Variants in SETBP1 observed in about 807,000 individuals in gnomAD.
SETBP1 encodes the protein SET binding protein 1.
A neutral mutation model predicts 101.0 loss-of-function variants in SETBP1; 9 were observed. That is an observed-to-expected ratio of 0.09 (90% CI 0.05 to 0.16). The LOEUF is 0.16. Ranked by LOEUF, SETBP1 falls within the 10% of genes least tolerant of loss-of-function variation. The probability of loss-of-function intolerance (pLI) is 1.00; values close to 1 mark genes in which losing one functional copy is unlikely to be tolerated. For missense variants in SETBP1, 1,858 were observed against 2,033.8 expected (o/e 0.91, Z 1.66); for synonymous variants, 818 against 788.5 (o/e 1.04, Z -0.63).
At chr18:45,002,105 C>A (rs564360945) in intron 4 of SETBP1, among the ~76,000 whole-genome samples, 1 of 152,280 alleles carries the variant, frequency 6.6e-6, no homozygotes, top group East Asian at 1.9e-4. Flanking sequence ...AAAGCCTTCT[C>A]CCCCACAGTT....
At chr18:44,760,248 C>A (rs996541234) in intron 2 of SETBP1, among the ~76,000 whole-genome samples, 1 of 152,200 alleles carries the variant, frequency 6.6e-6, no homozygotes, top group Non-Finnish European at 1.5e-5. Context: ...TAGAGGCCTC[C>A]TCTCATCAGG....
chr18:44,885,636 G>A (rs191408765), intron 3 of SETBP1, among the ~76,000 whole-genome samples: 24 of 151,904 alleles, frequency 1.6e-4, no homozygotes, highest in African/African-American at 5.5e-4. Flanking sequence ...TGGCGAAATC[G>A]AGGAGTTAAA....
chr18:44,797,033 G>C (rs2071494168), intron 2 of SETBP1, among the ~76,000 whole-genome samples: 1 of 152,206 alleles, frequency 6.6e-6, no homozygotes, highest in Non-Finnish European at 1.5e-5. Context: ...TGATCTGCCA[G>C]TGATGTATTA....
At chr18:44,873,158 C>A (rs944545834) in intron 3 of SETBP1, among the ~76,000 whole-genome samples, 8 of 152,186 alleles carry the variant, frequency 5.3e-5, no homozygotes, top group African/African-American at 1.9e-4. Flanking sequence ...CACTTAGTTG[C>A]CATTTCATTC....
rs192112473 is a variant in SETBP1 at position 45,025,959 on chromosome 18, C to T, written c.4001-12526C>T. Among the ~76,000 whole-genome samples, 17 of 152,268 alleles carry T rather than the reference C, an allele frequency of 1.1e-4. No individual in the cohort carries two copies. In the East Asian group the frequency reaches 3.3e-3, roughly 29 times the overall value. ...CATGCACTAAGTTCCTGATATCAAG[C>T]TCTTTTTTCAATGTGGCTTCTAAAT... On this transcript the variant is annotated intron_variant, in intron 4 of 5. Coordinates refer to ENST00000649279, the MANE Select transcript of SETBP1 (RefSeq NM_015559.3).
At chr18:44,814,780 G>A (rs2071941323) in intron 2 of SETBP1, among the ~76,000 whole-genome samples, 1 of 152,250 alleles carries the variant, frequency 6.6e-6, no homozygotes, top group African/African-American at 2.4e-5. Context: ...CAGAATGTCA[G>A]AATCTGAACA....
chr18:44,747,004 C>T (rs924085228), intron 2 of SETBP1, among the ~76,000 whole-genome samples: 2 of 152,180 alleles, frequency 1.3e-5, no homozygotes, highest in African/African-American at 4.8e-5. Flanking sequence ...GTCTGATGGC[C>T]AGAGATAGAC....
chr18:44,810,416 A>C (rs1411665262), intron 2 of SETBP1, among the ~76,000 whole-genome samples: 4 of 152,200 alleles, frequency 2.6e-5, no homozygotes, highest in Non-Finnish European at 5.9e-5. Flanking sequence ...ATACAGATGG[A>C]GGGTTGGTAA....
intron 2 of SETBP1, among the ~76,000 whole-genome samples, chr18:44,775,054 C>T (rs1243489012): frequency 6.6e-6 from 1 of 152,062 alleles, no homozygotes; most frequent in Non-Finnish European, 1.5e-5. Context: ...TATGAAAATG[C>T]TGATACCTTC....
intron 5 of SETBP1, among the ~76,000 whole-genome samples, chr18:45,060,602 A>G (rs987566510): frequency 6.6e-6 from 1 of 152,162 alleles, no homozygotes; most frequent in Admixed American, 6.5e-5. Flanking sequence ...AGAGTTGGTT[A>G]TGTCATTTTT....
intron 2 of SETBP1, among the ~76,000 whole-genome samples, chr18:44,742,968 T>C (rs1000703198): frequency 1.7e-5 from 2 of 118,734 alleles, no homozygotes; most frequent in African/African-American, 5.7e-5. Context: ...TCTCTCTCTC[T>C]CTCCCCCCCT....
intron 2 of SETBP1, among the ~76,000 whole-genome samples, chr18:44,782,044 C>T (rs2071142014): frequency 6.6e-6 from 1 of 152,174 alleles, no homozygotes; most frequent in Non-Finnish European, 1.5e-5. Context: ...TGCATTATTC[C>T]CTTCTGGTCT....
At chr18:45,054,944 C>G (rs1003468348) in intron 5 of SETBP1, among the ~76,000 whole-genome samples, 1 of 152,148 alleles carries the variant, frequency 6.6e-6, no homozygotes, top group African/African-American at 2.4e-5. Context: ...ATAGGGCACC[C>G]CTCACTGCCA....
intron 2 of SETBP1, among the ~76,000 whole-genome samples, chr18:44,735,488 T>A (rs2069944587): frequency 6.6e-6 from 1 of 152,180 alleles, no homozygotes; most frequent in African/African-American, 2.4e-5. Flanking sequence ...CATTGCACAA[T>A]ACATTTTAGC....
intron 3 of SETBP1, among the ~76,000 whole-genome samples, chr18:44,878,301 T>C (rs2069454849): frequency 6.6e-6 from 1 of 151,860 alleles, no homozygotes; most frequent in African/African-American, 2.4e-5. Flanking sequence ...TGTGAATCTT[T>C]CCACTGTCTT....
chr18:44,979,668 G>A (rs2072067945), intron 4 of SETBP1, among the ~76,000 whole-genome samples: 1 of 152,156 alleles, frequency 6.6e-6, no homozygotes, highest in South Asian at 2.1e-4. Context: ...CCAGAACTAA[G>A]TGCTAACCAA....
chr18:44,991,591 G>T (rs1157146308), intron 4 of SETBP1, among the ~76,000 whole-genome samples: 1 of 152,120 alleles, frequency 6.6e-6, no homozygotes, highest in East Asian at 1.9e-4. Context: ...TTAAAACCAA[G>T]AATATTTTAA....
At chr18:44,904,734 A>AGAGG (rs2070133367) in intron 3 of SETBP1, among the ~76,000 whole-genome samples, 1 of 152,186 alleles carries the variant, frequency 6.6e-6, no homozygotes, top group South Asian at 2.1e-4. Context: ...ATACTTCTCC[A>AGAGG]TGCAGTGACT....
At chr18:44,937,327 C>A (rs61254007) in intron 3 of SETBP1, among the ~76,000 whole-genome samples, 1 of 150,534 alleles carries the variant, frequency 6.6e-6, no homozygotes, top group African/African-American at 2.4e-5. Context: ...TAGTGGCGGG[C>A]GCCTGTAGTC....
Sources: gnomAD v4.1 joint callset for allele counts (sites outside exome capture counted in the v4.1 genomes callset) on GRCh38, gnomAD v4.1.1 for gene constraint, MANE v1.5 for transcripts, NCBI Gene and HGNC (gene_info 2026-07-23, HGNC 2026-07-21) for gene names.